The following ZNF507 variants were observed in gnomAD, a reference collection of about 807,000 sequenced individuals.
The protein encoded by ZNF507 is zinc finger protein 507.
In ZNF507, 29 loss-of-function variants were observed where a neutral mutation model predicts 80.0. That is an observed-to-expected ratio of 0.36 (90% CI 0.27 to 0.49). The LOEUF is 0.49. Ranked by LOEUF, ZNF507 falls within the 20% of genes least tolerant of loss-of-function variation. The pLI is 0.98. For missense variants in ZNF507, 1,081 were observed against 1,152.2 expected, an observed-to-expected ratio of 0.94 and a Z score of 0.90; for synonymous variants, 462 against 422.5, an observed-to-expected ratio of 1.09 and a Z score of -1.15.
At position 32,346,341 on chromosome 19, in the gene ZNF507, C is replaced by T. The variant is rs541731206; in HGVS notation, c.-97+558C>T. ...CCCACCTCTTAAGACCTGGGGGCATCGGAATGAATGGTTTGTGTAGAAGGC... is the reference window on the plus strand; with the variant it reads ...CCCACCTCTTAAGACCTGGGGGCATTGGAATGAATGGTTTGTGTAGAAGGC... On this transcript the variant is annotated intron_variant, in intron 1 of 6. Transcript: ENST00000355898. Among the ~76,000 whole-genome samples, 4 of 152,260 alleles carry T rather than the reference C, an allele frequency of 2.6e-5. No individual in the cohort carries two copies. In the South Asian group the frequency reaches 8.3e-4, roughly 32 times the overall value.
intron 1 of ZNF507, among the ~76,000 whole-genome samples, chr19:32,346,035 G>A (rs1967092693): frequency 1.3e-5 from 2 of 152,190 alleles, no homozygotes; most frequent in Admixed American, 1.3e-4. Flanking sequence ...CACCAGCCCG[G>A]CCCGCCCGCA....
At chr19:32,354,983 C>G in intron 3 of ZNF507, 26 bp downstream of exon 3, 1 of 1,556,572 alleles carries the variant, frequency 6.4e-7, no homozygotes, top group Non-Finnish European at 8.7e-7. Flanking sequence ...GGAAGTCTTT[C>G]AGAGGACCTT....
intron 5 of ZNF507, among the ~76,000 whole-genome samples, chr19:32,375,517 C>T (rs1369490067): frequency 2.0e-5 from 3 of 151,980 alleles, no homozygotes; most frequent in Admixed American, 6.6e-5. Context: ...TGAGGGGTGA[C>T]GGGAAAGAAA....
In ZNF507 at chr19:32,387,659, T is replaced by C. The variant is rs1967706785; in HGVS notation, c.*4576T>C. The C allele has an allele frequency of 1.3e-5, 2 of 152,256 alleles. No homozygotes were observed. Among genetic ancestry groups the C allele is most frequent in the Admixed American group, 6.5e-5 (1 of 15,288 alleles). The allele number at this position is 152,256 out of a possible 1,614,324, so 9.4% of individuals were successfully genotyped here. On this transcript the variant is annotated 3_prime_UTR_variant, in exon 7 of 7. Coordinates refer to ENST00000355898, the MANE Select transcript of ZNF507 (RefSeq NM_001136156.2). ...ATGATATTTTGGTTTAAATAAAATA[T>C]TAAAATTAGTTTTACCTGTTTCTTT...
Position 32,386,520 on chromosome 19 carries a change from T to C in ZNF507, c.*3437T>C, listed in dbSNP as rs1967692426. 1 of 152,654 alleles carries C rather than the reference T, an allele frequency of 6.6e-6. No individual in the cohort carries two copies. The highest frequency in any genetic ancestry group is 1.5e-5 in the Non-Finnish European group (1 of 68,046). 9.5% of individuals were successfully genotyped at this position (152,654 alleles called of 1,614,324 possible). Reference sequence around the variant, plus strand: ...ATAAGTATTGTGTAACACTATGGCATTGCTTCTATAGCCAAAGTATAAAAA... The same window carrying C: ...ATAAGTATTGTGTAACACTATGGCACTGCTTCTATAGCCAAAGTATAAAAA... On this transcript the variant is annotated 3_prime_UTR_variant, in exon 7 of 7. Coordinates refer to ENST00000355898, the MANE Select transcript of ZNF507 (RefSeq NM_001136156.2).
rs1169032215 is a variant in ZNF507 at position 32,387,066 on chromosome 19, A to T, written c.*3983A>T. 6.6e-6 allele frequency: 1 copy of T among 152,254 alleles called. No individual in the cohort carries two copies. Among genetic ancestry groups the T allele is most frequent in the Non-Finnish European group, 1.5e-5 (1 of 68,048 alleles). The allele number at this position is 152,254 out of a possible 1,614,324, so 9.4% of individuals were successfully genotyped here. On this transcript the variant is annotated 3_prime_UTR_variant, in exon 7 of 7. Coordinates refer to ENST00000355898, the MANE Select transcript of ZNF507 (RefSeq NM_001136156.2). ...AGCATTTAGCTTTTTAAATCATTTTAAAAATTAAGTCTAATTTTGAAGCTT... is the reference window on the plus strand; with the variant it reads ...AGCATTTAGCTTTTTAAATCATTTTTAAAATTAAGTCTAATTTTGAAGCTT...
At chr19:32,375,285 C>T (rs1967531355) in intron 5 of ZNF507, among the ~76,000 whole-genome samples, 1 of 152,158 alleles carries the variant, frequency 6.6e-6, no homozygotes, top group Non-Finnish European at 1.5e-5. Context: ...TGCTGGACAA[C>T]CTGCAGTGCC....
rs1967209562 is a variant in ZNF507, at chr19:32,353,924, T to C, written c.1094T>C (p.Ile365Thr). 8.1e-6 allele frequency: 13 copies of C among 1,614,162 alleles called. No homozygotes were observed. The highest frequency in any genetic ancestry group is 1.1e-5 in the Non-Finnish European group (13 of 1,180,048). The change falls in exon 3 of 7, where the codon ATT becomes ACT. Residue 365 changes from isoleucine to threonine, a missense_variant. Coordinates refer to ENST00000355898, the MANE Select transcript of ZNF507 (RefSeq NM_001136156.2). The part of the protein sequence containing the change: ...DPNEEEMLEV[I>T]SDAEENLIPD... ...AATGAGGAAGAAATGCTAGAAGTGA[T>C]TTCTGATGCAGAGGAGAATCTGATT...
chr19:32,379,175 C>T (rs1394878178), intron 5 of ZNF507, among the ~76,000 whole-genome samples: 2 of 152,140 alleles, frequency 1.3e-5, no homozygotes, highest in Non-Finnish European at 2.9e-5. Flanking sequence ...AGTTTAATGG[C>T]TTGGGGGTGG....
chr19:32,347,316 A>T lies in ZNF507; in HGVS notation c.-25A>T, dbSNP rs1038067476. ...TGATTTGAAAGACACTGGCTCTGCCACTTAACAGCCATGTAACCTTGGGTA... is the reference window on the plus strand; with the variant it reads ...TGATTTGAAAGACACTGGCTCTGCCTCTTAACAGCCATGTAACCTTGGGTA... On this transcript the variant is annotated 5_prime_UTR_variant, in exon 2 of 7. Coordinates refer to ENST00000355898, the MANE Select transcript of ZNF507 (RefSeq NM_001136156.2). 1 of 152,578 alleles carries T rather than the reference A, an allele frequency of 6.6e-6. No individual in the cohort carries two copies. 9.5% of individuals were successfully genotyped at this position (152,578 alleles called of 1,614,324 possible).
chr19:32,385,885 ACTT>A lies in ZNF507; in HGVS notation c.*2806_*2808del, dbSNP rs1403843272. The A allele has an allele frequency of 3.9e-5, 6 of 152,248 alleles. No individual in the cohort carries two copies. The highest frequency in any genetic ancestry group is 7.2e-5 in the African/African-American group (3 of 41,542). The allele number at this position is 152,248 out of a possible 1,614,324, so 9.4% of individuals were successfully genotyped here. A position where few individuals can be genotyped will look rare whatever the true frequency, so the allele number is the denominator to read the frequency against. On this transcript the variant is annotated 3_prime_UTR_variant, in exon 7 of 7. Coordinates refer to ENST00000355898, the MANE Select transcript of ZNF507 (RefSeq NM_001136156.2). The stretch of plus-strand genomic sequence containing the variant: ...AATAACATGTTATTTATTGGTATTG[ACTT>A]CTTATTAGACAGAGCTCATAGTATT...
chr19:32,370,332 G>A (rs1313413027), intron 5 of ZNF507, among the ~76,000 whole-genome samples: 1 of 151,960 alleles, frequency 6.6e-6, no homozygotes, highest in East Asian at 1.9e-4. Flanking sequence ...TATTTTTCAT[G>A]GCCGTACCAA....
In ZNF507 at chr19:32,353,820, A is replaced by G. The variant is rs1295898789; in HGVS notation, c.990A>G (p.Glu330=). 3 of 1,614,066 alleles carry G rather than the reference A, an allele frequency of 1.9e-6. No individual in the cohort carries two copies. Among genetic ancestry groups the G allele is most frequent in the Non-Finnish European group, 2.5e-6 (3 of 1,180,038 alleles). ...TGCAAGTGCAGATTTGCAGCTCAGAACAGTTATCATCTTCATCTCCTTTAG... is the reference window on the plus strand; with the variant it reads ...TGCAAGTGCAGATTTGCAGCTCAGAGCAGTTATCATCTTCATCTCCTTTAG... ...PSVQVQICSS[E]QLSSSSPLEQ... is the part of the protein sequence containing the mutation. The change falls in exon 3 of 7, where the codon GAA becomes GAG. Residue 330 remains glutamate, a synonymous_variant. Coordinates refer to ENST00000355898, the MANE Select transcript of ZNF507 (RefSeq NM_001136156.2).
At chr19:32,364,711 T>C (rs1489625584) in intron 5 of ZNF507, among the ~76,000 whole-genome samples, 3 of 152,206 alleles carry the variant, frequency 2.0e-5, no homozygotes, top group Admixed American at 2.0e-4. Context: ...TATATATATC[T>C]CCGAGTTCTT....
chr19:32,350,723 G>A (rs1352486377), intron 2 of ZNF507, among the ~76,000 whole-genome samples: 10 of 152,174 alleles, frequency 6.6e-5, no homozygotes, highest in Admixed American at 6.5e-4. Context: ...CTACATGGGT[G>A]TTACATTTCA....
At chr19:32,375,395 T>C (rs1461219746) in intron 5 of ZNF507, among the ~76,000 whole-genome samples, 1 of 152,170 alleles carries the variant, frequency 6.6e-6, no homozygotes, top group Non-Finnish European at 1.5e-5. Context: ...ACAAGAAACA[T>C]GAAGGACACA....
intron 5 of ZNF507, among the ~76,000 whole-genome samples, chr19:32,365,218 G>A (rs34356252): frequency 0.18 from 27,131 of 152,010 alleles, 2,664 homozygotes; most frequent in East Asian, 0.45. Flanking sequence ...ATTTGTTTGA[G>A]TTCATTGTAG....
chr19:32,352,776 C>T (rs1303692688), intron 2 of ZNF507, 53 bp from the exon 3 acceptor site: 1 of 1,461,384 alleles, frequency 6.8e-7, no homozygotes, highest in African/African-American at 1.4e-5. Flanking sequence ...AAATTACATG[C>T]CTGTAATTAT....
chr19:32,372,116 G>A (rs1374042802), intron 5 of ZNF507, among the ~76,000 whole-genome samples: 1 of 152,096 alleles, frequency 6.6e-6, no homozygotes, highest in Non-Finnish European at 1.5e-5. Context: ...TCATAGGATG[G>A]AACATTATAC....
Sources: gnomAD v4.1 joint callset for allele counts (sites outside exome capture counted in the v4.1 genomes callset) on GRCh38, gnomAD v4.1.1 for gene constraint, MANE v1.5 for transcripts, NCBI Gene and HGNC (gene_info 2026-07-23, HGNC 2026-07-21) for gene names.